Variants in MICU2 observed in about 807,000 individuals in gnomAD.
MICU2 encodes calcium uptake protein 2, mitochondrial.
Under a neutral mutation model 60.4 loss-of-function variants are expected in MICU2, and 64 were observed. That is an observed-to-expected ratio of 1.06 (90% CI 0.87 to 1.31). The LOEUF (loss-of-function observed/expected upper bound fraction) is 1.31. Ranked by LOEUF, MICU2 falls within the 50% of genes most tolerant of loss-of-function variation. MICU2 has a pLI of 0.00. For synonymous variants in MICU2, 201 were observed against 175.0 expected (o/e 1.15, Z -1.17); for missense variants, 569 against 531.0 (o/e 1.07, Z -0.70).
chr13:21,568,844 G>GTTTTT (rs11370071), intron 1 of MICU2, among the ~76,000 whole-genome samples: 1 of 150,332 alleles, frequency 6.7e-6, no homozygotes, highest in Non-Finnish European at 1.5e-5. Context: ...AAGAAATTCT[G>GTTTTT]TTTTTTTTTT....
chr13:21,530,086 A>C (rs1886950925), intron 4 of MICU2, among the ~76,000 whole-genome samples: 1 of 152,222 alleles, frequency 6.6e-6, no homozygotes, highest in Non-Finnish European at 1.5e-5. Flanking sequence ...GTTCTGCCTC[A>C]TCTTTTACCT....
At chr13:21,572,551 G>A (rs1888136290) in intron 1 of MICU2, among the ~76,000 whole-genome samples, 1 of 152,152 alleles carries the variant, frequency 6.6e-6, no homozygotes, top group South Asian at 2.1e-4. Context: ...ACACACTTTA[G>A]TTTTAGGAGC....
intron 2 of MICU2, among the ~76,000 whole-genome samples, chr13:21,545,539 G>C (rs941512591): frequency 2.6e-5 from 4 of 152,094 alleles, no homozygotes; most frequent in African/African-American, 9.7e-5. Context: ...AAAATTGATG[G>C]GTGTGGTGGC....
In MICU2 at chr13:21,604,080, A is replaced by G; in HGVS notation, c.69T>C (p.Ala23=). ...AWGGKLRRGL[A]VSRQAVRSPG... ...GACTCCGCACAGCCTGTCGGCTGAC[A>G]GCGAGCCCCCGTCGCAGTTTTCCGC... Residue 23 remains alanine, a synonymous_variant, in exon 1 of 12, where the codon GCT becomes GCC. Coordinates refer to ENST00000382374, the MANE Select transcript of MICU2 (RefSeq NM_152726.3). The G allele has an allele frequency of 6.3e-7, 1 of 1,598,730 alleles. No homozygotes were observed. Among genetic ancestry groups the G allele is most frequent in the Non-Finnish European group, 8.5e-7 (1 of 1,174,294 alleles).
intron 6 of MICU2, among the ~76,000 whole-genome samples, chr13:21,515,107 A>G (rs1472677604): frequency 7.6e-6 from 1 of 131,888 alleles, no homozygotes; most frequent in Non-Finnish European, 1.6e-5. Flanking sequence ...TTTGAGACGG[A>G]GTCTCGCTCT....
chr13:21,582,530 T>C (rs903002431), intron 1 of MICU2, among the ~76,000 whole-genome samples: 2 of 152,250 alleles, frequency 1.3e-5, no homozygotes, highest in Non-Finnish European at 2.9e-5. Context: ...ATTATTTTGT[T>C]AGATATGAGT....
chr13:21,514,289 T>A, intron 7 of MICU2, 64 bp downstream of exon 7: 1 of 1,362,840 alleles, frequency 7.3e-7, no homozygotes, highest in Middle Eastern at 2.0e-4. Flanking sequence ...ATCGGGAATA[T>A]CTGAACAAAC....
chr13:21,525,916 ATTTATTTAT>A (rs1170601472), intron 4 of MICU2, among the ~76,000 whole-genome samples: 1 of 6,470 alleles, frequency 1.5e-4, no homozygotes, highest in Non-Finnish European at 5.7e-3. Context: ...ATGTAGTCTT[ATTTATTTAT>A]TTATTTATTT....
chr13:21,566,508 T>C (rs1224421140), intron 2 of MICU2, among the ~76,000 whole-genome samples: 1 of 152,148 alleles, frequency 6.6e-6, no homozygotes, highest in Non-Finnish European at 1.5e-5. Context: ...TCATTTTTTT[T>C]TTTGGCCCAA....
chr13:21,604,122 C>T lies in MICU2; in HGVS notation c.27G>A (p.Ala9=). The change falls in exon 1 of 12, where the codon GCG becomes GCA. Residue 9 remains alanine, a synonymous_variant. Transcript: ENST00000382374. MAAAAGSC[A]RVAAWGGKLR... is the part of the protein sequence containing the mutation. ...GTTTTCCGCCCCAGGCCGCCACCCG[C>T]GCGCAGCTACCCGCAGCCGCCGCCA... 1 of 1,572,708 alleles carries T rather than the reference C, an allele frequency of 6.4e-7. No individual in the cohort carries two copies.
chr13:21,546,061 T>G (rs139700428), intron 2 of MICU2, among the ~76,000 whole-genome samples: 2 of 152,288 alleles, frequency 1.3e-5, no homozygotes, highest in East Asian at 3.9e-4. Context: ...ACATTTTAAG[T>G]GGTAACTGAA....
At chr13:21,496,624 A>G (rs1886003839) in intron 9 of MICU2, 1 of 157,912 alleles carries the variant, frequency 6.3e-6, no homozygotes. Flanking sequence ...TGCCCTTTAT[A>G]ACGTGTATGA....
chr13:21,518,758 T>C (rs550894567), intron 6 of MICU2, among the ~76,000 whole-genome samples: 1 of 152,340 alleles, frequency 6.6e-6, no homozygotes, highest in East Asian at 1.9e-4. Flanking sequence ...TAAAGTGAAG[T>C]AGCTGGATGG....
chr13:21,544,532 A>AAAACAAAAAAAAAAAAAAAAAAAAAAAAC (rs560934524), intron 2 of MICU2, among the ~76,000 whole-genome samples: 1 of 132,510 alleles, frequency 7.5e-6, no homozygotes. Context: ...AAAAAAAAAA[A>AAAACAAAAAAAAAAAAAAAAAAAAAAAAC]AACTCAATAC....
At chr13:21,518,506 A>G (rs995941231) in intron 6 of MICU2, among the ~76,000 whole-genome samples, 7 of 152,180 alleles carry the variant, frequency 4.6e-5, no homozygotes, top group Non-Finnish European at 8.8e-5. Flanking sequence ...CAGCTTTACT[A>G]TTCTTGGATG....
chr13:21,514,205 G>A (rs756199629), intron 7 of MICU2, 148 bp downstream of exon 7: 21 of 603,938 alleles, frequency 3.5e-5, no homozygotes, highest in African/African-American at 1.9e-4. Flanking sequence ...GCAGTCTGTT[G>A]TTGACTGAAA....
intron 4 of MICU2, among the ~76,000 whole-genome samples, chr13:21,534,349 G>GCTCA (rs1887082733): frequency 6.6e-6 from 1 of 152,024 alleles, no homozygotes; most frequent in Non-Finnish European, 1.5e-5. Flanking sequence ...GGTATTACAG[G>GCTCA]CGTGAGCCAC....
intron 4 of MICU2, among the ~76,000 whole-genome samples, chr13:21,533,935 A>C (rs1887068733): frequency 6.6e-6 from 1 of 152,186 alleles, no homozygotes; most frequent in East Asian, 1.9e-4. Flanking sequence ...AGAGGAGATA[A>C]AAATTAGAGG....
At chr13:21,495,140 T>C in intron 11 of MICU2, 21 bp downstream of exon 11, 1 of 1,582,576 alleles carries the variant, frequency 6.3e-7, no homozygotes, top group Non-Finnish European at 8.6e-7. Context: ...AAACATGTAT[T>C]ATATAAAAAA....
Sources: gnomAD v4.1 joint callset for allele counts (sites outside exome capture counted in the v4.1 genomes callset) on GRCh38, gnomAD v4.1.1 for gene constraint, MANE v1.5 for transcripts, NCBI Gene and HGNC (gene_info 2026-07-23, HGNC 2026-07-21) for gene names.